The following ADGRF5 variants were observed in gnomAD, a reference collection of about 807,000 sequenced individuals.
ADGRF5 encodes the protein G-protein coupled receptor 116.
Under a neutral mutation model 132.3 loss-of-function variants are expected in ADGRF5, and 75 were observed. That is an observed-to-expected ratio of 0.57 (90% CI 0.47 to 0.69). ADGRF5 has a LOEUF of 0.69. Among genes scored for constraint, ADGRF5 ranks in the 30% least tolerant of loss-of-function variants. The probability of loss-of-function intolerance (pLI) is 0.00; values close to 1 mark genes in which losing one functional copy is unlikely to be tolerated. For synonymous variants in ADGRF5, 629 were observed against 597.6 expected (o/e 1.05, Z -0.77); for missense variants, 1,516 against 1,630.6 (o/e 0.93, Z 1.21).
chr6:46,892,072 C>T (rs1375176745), intron 3 of ADGRF5, among the ~76,000 whole-genome samples: 1 of 151,744 alleles, frequency 6.6e-6, no homozygotes, highest in Non-Finnish European at 1.5e-5. Flanking sequence ...ATTTAGCAGG[C>T]TGTTGGCTTA....
At chr6:46,922,862 G>A (rs1356846108), upstream of ADGRF5, among the ~76,000 whole-genome samples, 1 of 152,214 alleles carries the variant, frequency 6.6e-6, no homozygotes, top group Non-Finnish European at 1.5e-5. Flanking sequence ...CAGACTGTAG[G>A]AACTGATGCT....
rs529395379 is a variant in ADGRF5 at position 46,861,351 on chromosome 6, G to T, written c.2200-457C>A. On this transcript the variant is annotated intron_variant, in intron 15 of 20. Coordinates refer to ENST00000283296, the MANE Select transcript of ADGRF5 (RefSeq NM_001098518.2). ...TTCTCCTTGTGTATTTATTAAGAGT[G>T]CCCTCTTATATTCTCAAAATGTGTC... Among the ~76,000 whole-genome samples the T allele has an allele frequency of 5.9e-5, 9 of 152,200 alleles. No individual in the cohort carries two copies. In the South Asian group the frequency reaches 1.9e-3, roughly 32 times the overall value.
intron 20 of ADGRF5, chr6:46,854,859 A>T (rs1189835468): frequency 3.4e-6 from 2 of 582,008 alleles, no homozygotes; most frequent in Non-Finnish European, 5.7e-6. Context: ...ATCAGAAGTG[A>T]AGGTCCACCA....
At chr6:46,858,032 G>T (rs1320872426) in intron 17 of ADGRF5, 97 bp downstream of exon 17, 10 of 898,196 alleles carry the variant, frequency 1.1e-5, no homozygotes, top group Non-Finnish European at 1.7e-5. Flanking sequence ...CCTCTGGGCT[G>T]AAATCCTTCC....
chr6:46,905,677 A>T (rs1484350769), intron 2 of ADGRF5, among the ~76,000 whole-genome samples: 1 of 152,212 alleles, frequency 6.6e-6, no homozygotes, highest in Non-Finnish European at 1.5e-5. Flanking sequence ...TTAAATTAAA[A>T]CATACAAAGT....
chr6:46,881,189 T>A (rs1467017973), intron 8 of ADGRF5, among the ~76,000 whole-genome samples: 1 of 152,180 alleles, frequency 6.6e-6, no homozygotes, highest in East Asian at 1.9e-4. Flanking sequence ...TTTTACTTTT[T>A]TTACTTAGTT....
At chr6:46,882,359 T>A (rs556256173) in intron 6 of ADGRF5, among the ~76,000 whole-genome samples, 1 of 150,134 alleles carries the variant, frequency 6.7e-6, no homozygotes, top group African/African-American at 2.5e-5. Context: ...AAAGAAAACG[T>A]GGAGGGAGCA....
intron 2 of ADGRF5, among the ~76,000 whole-genome samples, chr6:46,904,938 T>C (rs1388857578): frequency 6.6e-6 from 1 of 151,714 alleles, no homozygotes; most frequent in Non-Finnish European, 1.5e-5. Flanking sequence ...TTGAGGTGAG[T>C]TGTAGGAGCT....
chr6:46,881,629 A>G (rs766739045), intron 7 of ADGRF5, 32 bp from the exon 8 acceptor site: 69 of 1,601,114 alleles, frequency 4.3e-5, no homozygotes, highest in Non-Finnish European at 5.4e-5. Context: ...CAGTAAAACA[A>G]TAACTGACCT....
upstream of ADGRF5, among the ~76,000 whole-genome samples, chr6:46,922,365 C>T (rs190725707): frequency 1.4e-3 from 213 of 152,278 alleles, no homozygotes; most frequent in African/African-American, 5.0e-3. Context: ...TCCTCCCCCG[C>T]GGGAGGGCTG....
At chr6:46,923,428 C>T (rs1777094252), upstream of ADGRF5, among the ~76,000 whole-genome samples, 1 of 152,190 alleles carries the variant, frequency 6.6e-6, no homozygotes, top group African/African-American at 2.4e-5. Flanking sequence ...AGTCAGCAAC[C>T]ACCAGCAGGA....
chr6:46,874,949 A>G (rs962172249), intron 10 of ADGRF5, among the ~76,000 whole-genome samples: 8 of 152,200 alleles, frequency 5.3e-5, no homozygotes, highest in Admixed American at 4.6e-4. Flanking sequence ...CATATCCTAC[A>G]ATGCACAGAA....
chr6:46,860,948 G>T, intron 15 of ADGRF5, 54 bp from the exon 16 acceptor site: 3 of 1,390,846 alleles, frequency 2.2e-6, no homozygotes, highest in South Asian at 2.6e-5. Context: ...TTCAGCTATC[G>T]AATCCAGCTG....
chr6:46,925,373 AC>A (rs372424351), upstream of ADGRF5, among the ~76,000 whole-genome samples: 13 of 152,142 alleles, frequency 8.5e-5, no homozygotes, highest in African/African-American at 3.1e-4. Context: ...CATCCCCCCT[AC>A]TTGCTTTAGT....
At chr6:46,942,751 A>G (rs553640516) in intron 1 of ADGRF5, among the ~76,000 whole-genome samples, 40 of 152,150 alleles carry the variant, frequency 2.6e-4, no homozygotes, top group Non-Finnish European at 4.4e-4. Context: ...TGCCTATTTT[A>G]TCTCTAGACT....
intron 13 of ADGRF5, among the ~76,000 whole-genome samples, chr6:46,866,614 T>C (rs1363168492): frequency 6.6e-6 from 1 of 152,088 alleles, no homozygotes; most frequent in Non-Finnish European, 1.5e-5. Context: ...TGCAACTTTA[T>C]AGCATGGAGG....
At chr6:46,931,739 A>C (rs1294278627) in intron 1 of ADGRF5, among the ~76,000 whole-genome samples, 1 of 152,208 alleles carries the variant, frequency 6.6e-6, no homozygotes, top group African/African-American at 2.4e-5. Context: ...ATTTTTGGGC[A>C]TATGAAGACT....
At chr6:46,940,989 C>T (rs34715469) in intron 1 of ADGRF5, among the ~76,000 whole-genome samples, 3,717 of 152,176 alleles carry the variant, frequency 0.024, 69 homozygotes, top group Middle Eastern at 0.044. Context: ...GCTCAGTAGA[C>T]AGAGAAGTGG....
chr6:46,853,953 C>T lies in ADGRF5; in HGVS notation c.*39G>A. ...GCATCTCTTTTTAAAAGCACAGCCA[C>T]TGTCCCCGGGAGGTCACGTAGGTTG... is the stretch of plus-strand genomic sequence containing the variant. On this transcript the variant is annotated 3_prime_UTR_variant, in exon 21 of 21. Coordinates refer to ENST00000283296, the MANE Select transcript of ADGRF5 (RefSeq NM_001098518.2). The T allele has an allele frequency of 7.3e-7, 1 of 1,376,188 alleles. No homozygotes were observed. Among genetic ancestry groups the T allele is most frequent in the South Asian group, 1.2e-5 (1 of 80,176 alleles). The allele number at this position is 1,376,188 out of a possible 1,614,324, so 85.2% of individuals were successfully genotyped here.
Sources: allele counts gnomAD v4.1 joint callset (sites outside exome capture counted in the v4.1 genomes callset), GRCh38; gene constraint gnomAD v4.1.1; transcripts MANE v1.5; gene names NCBI Gene and HGNC (gene_info 2026-07-23, HGNC 2026-07-21).